The following ZFHX3 variants were observed in gnomAD, a reference collection of about 807,000 sequenced individuals.
ZFHX3 encodes the protein zinc finger homeobox 3, also known as zinc finger homeobox protein 3.
A neutral mutation model predicts 279.1 loss-of-function variants in ZFHX3; 42 were observed. That is an observed-to-expected ratio of 0.15 (90% CI 0.12 to 0.19). ZFHX3 has a LOEUF of 0.19. ZFHX3 is among the 10% of genes least tolerant of loss of function. The probability of loss-of-function intolerance (pLI) is 1.00; values close to 1 mark genes in which losing one functional copy is unlikely to be tolerated. For synonymous variants in ZFHX3, 2,293 were observed against 1,957.8 expected (o/e 1.17, Z -4.52); for missense variants, 4,981 against 4,754.0 (o/e 1.05, Z -1.40).
At chr16:73,108,435 G>T (rs988526950) in intron 7 of ZFHX3, among the ~76,000 whole-genome samples, 9 of 151,986 alleles carry the variant, frequency 5.9e-5, no homozygotes, top group Admixed American at 4.6e-4. Flanking sequence ...TGAGGGTATT[G>T]CTCTGTTGCC....
At chr16:73,387,557 CA>C (rs2016925902) in intron 3 of ZFHX3, among the ~76,000 whole-genome samples, 1 of 151,918 alleles carries the variant, frequency 6.6e-6, no homozygotes, top group Non-Finnish European at 1.5e-5. Flanking sequence ...TTTGAGACTA[CA>C]ATTAATTTCT....
At chr16:73,421,066 A>G (rs2017708797) in intron 3 of ZFHX3, 1 of 152,256 alleles carries the variant, frequency 6.6e-6, no homozygotes, top group South Asian at 2.1e-4. Context: ...TAATTCAATT[A>G]AATCATTTAC....
At chr16:73,739,151 C>T (rs1337950520) in intron 1 of ZFHX3, among the ~76,000 whole-genome samples, 1 of 152,242 alleles carries the variant, frequency 6.6e-6, no homozygotes, top group Non-Finnish European at 1.5e-5. Context: ...TAAATCTCTG[C>T]ATTGCACTTG....
chr16:73,784,242 A>G (rs769553448), intron 1 of ZFHX3, among the ~76,000 whole-genome samples: 17 of 152,172 alleles, frequency 1.1e-4, no homozygotes, highest in Non-Finnish European at 2.2e-4. Context: ...TAAAAGGGGA[A>G]TAAAAGAGAT....
rs535805162 is a variant in ZFHX3 at position 73,193,253 on chromosome 16, T to C, written c.-1103-49422A>G. 3.3e-5 allele frequency among the ~76,000 whole-genome samples: 5 copies of C among 152,280 alleles called. No individual in the cohort carries two copies. The East Asian group carries it at 9.6e-4, about 29-fold the overall frequency. ...TCACAGCTCTGCTATAACCTAGTCT[T>C]GTGACCCTCACTCAGGAAGGCACCA... On this transcript the variant is annotated intron_variant, in intron 5 of 17. Coordinates refer to the ZFHX3 transcript ENST00000641206.
intron 1 of ZFHX3, among the ~76,000 whole-genome samples, chr16:73,802,632 C>T (rs1179367560): frequency 6.6e-6 from 1 of 152,166 alleles, no homozygotes; most frequent in African/African-American, 2.4e-5. Context: ...ACTTGAATGT[C>T]ACACTGTAGG....
intron 5 of ZFHX3, among the ~76,000 whole-genome samples, chr16:73,249,355 C>T (rs1401491666): frequency 5.3e-5 from 8 of 152,078 alleles, no homozygotes; most frequent in South Asian, 2.1e-4. Flanking sequence ...AAGACATACC[C>T]AAGAATGGGT....
chr16:72,847,588 G>A (rs910339196), intron 4 of ZFHX3, among the ~76,000 whole-genome samples: 5 of 152,108 alleles, frequency 3.3e-5, no homozygotes, highest in African/African-American at 7.2e-5. Flanking sequence ...CGCAGCCAAG[G>A]GAAAAGAGGG....
chr16:72,959,463 A>G lies in ZFHX3; in HGVS notation c.683T>C (p.Leu228Pro), dbSNP rs1441489438. Residue 228 changes from leucine to proline, a missense_variant, in exon 2 of 10, where the codon CTG (leucine) becomes CCG (proline). Transcript: ENST00000268489. ...CACGTCAAACACGCGGAAGCTGTGC[A>G]GGACGGGGCTGAGCCCCGCCAGGGC... Reference protein sequence around the residue: ...TSALAGLSPVLHSFRVFDVRH... With the variant: ...TSALAGLSPVPHSFRVFDVRH... The G allele has an allele frequency of 6.2e-7, 1 of 1,614,282 alleles. No individual in the cohort carries two copies. Among genetic ancestry groups the G allele is most frequent in the Non-Finnish European group, 8.5e-7 (1 of 1,180,048 alleles).
rs184657698 is a variant in ZFHX3 at position 72,988,093 on chromosome 16, G to C, written c.-49-27899C>G. Among the ~76,000 whole-genome samples the C allele has an allele frequency of 2.8e-3, 425 of 152,214 alleles. 1 individual carries two copies. Among genetic ancestry groups the C allele is most frequent in the African/African-American group, 9.6e-3 (399 of 41,520 alleles). ...AAAAAACATACCCTAAGAACAATAT[G>C]GTCCACACTTGGAAACCCGCCCAAC... On this transcript the variant is annotated intron_variant, in intron 1 of 9. Coordinates refer to ENST00000268489, the MANE Select transcript of ZFHX3 (RefSeq NM_006885.4).
intron 2 of ZFHX3, among the ~76,000 whole-genome samples, chr16:73,666,941 T>C (rs2052848627): frequency 6.6e-6 from 1 of 152,010 alleles, no homozygotes; most frequent in African/African-American, 2.4e-5. Context: ...TTATCAGTAG[T>C]TCATTCTTGT....
chr16:72,876,137 T>C (rs2038305329), intron 4 of ZFHX3, among the ~76,000 whole-genome samples: 1 of 152,178 alleles, frequency 6.6e-6, no homozygotes, highest in Admixed American at 6.5e-5. Context: ...CACACGTGCA[T>C]GCATGCAACT....
chr16:73,784,796 A>AATATATATATAT (rs1555501447), intron 1 of ZFHX3, among the ~76,000 whole-genome samples: 1 of 131,082 alleles, frequency 7.6e-6, no homozygotes, highest in Non-Finnish European at 1.6e-5. Flanking sequence ...TAAAAAAAAA[A>AATATATATATAT]ATATATATAT....
chr16:72,885,678 G>A (rs960011655), intron 4 of ZFHX3, among the ~76,000 whole-genome samples: 5 of 152,204 alleles, frequency 3.3e-5, no homozygotes, highest in Non-Finnish European at 5.9e-5. Context: ...TGGGGATGAG[G>A]TCCAGAACTC....
rs546237224 is a variant in ZFHX3 at position 73,164,699 on chromosome 16, A to G, written c.-1103-20868T>C. On this transcript the variant is annotated intron_variant, in intron 5 of 17. Coordinates refer to the ZFHX3 transcript ENST00000641206. ...TGGGTGACAAAGTGAGACTCTGTTG[A>G]AAAAAAAAAAAAAAAAAGACAATTT... Among the ~76,000 whole-genome samples the G allele has an allele frequency of 3.3e-3, 384 of 116,340 alleles. 1 individual carries two copies. Among genetic ancestry groups the G allele is most frequent in the Middle Eastern group, 8.2e-3 (2 of 244 alleles). The allele number at this position is 116,340 out of a possible 152,430, so 76.3% of individuals were successfully genotyped here.
chr16:73,871,795 T>C (rs920142652), intron 1 of ZFHX3, among the ~76,000 whole-genome samples: 7 of 152,130 alleles, frequency 4.6e-5, no homozygotes, highest in Non-Finnish European at 8.8e-5. Context: ...AGTGAGACCA[T>C]AGTTAGACTT....
At chr16:72,951,210 G>C (rs970920891) in intron 2 of ZFHX3, among the ~76,000 whole-genome samples, 6 of 152,082 alleles carry the variant, frequency 3.9e-5, no homozygotes, top group African/African-American at 1.4e-4. Flanking sequence ...TCTTTCTTTA[G>C]GAAAAGAACA....
intron 5 of ZFHX3, among the ~76,000 whole-genome samples, chr16:73,181,365 C>G (rs1967792569): frequency 6.6e-6 from 1 of 152,184 alleles, no homozygotes; most frequent in African/African-American, 2.4e-5. Context: ...ACTGGGATTA[C>G]AGGCATGAGC....
At chr16:73,323,443 G>A (rs2015620756) in intron 3 of ZFHX3, among the ~76,000 whole-genome samples, 1 of 152,122 alleles carries the variant, frequency 6.6e-6, no homozygotes, top group Admixed American at 6.6e-5. Context: ...AGGGAACAAG[G>A]GAGGTAAGCA....
Sources: allele counts gnomAD v4.1 joint callset (sites outside exome capture counted in the v4.1 genomes callset), GRCh38; gene constraint gnomAD v4.1.1; transcripts MANE v1.5; gene names NCBI Gene and HGNC (gene_info 2026-07-23, HGNC 2026-07-21).